BEST4: variants seen among roughly 807,000 people sequenced by gnomAD.
The protein encoded by BEST4 is bestrophin 4.
A neutral mutation model predicts 47.1 loss-of-function variants in BEST4; 36 were observed. That is an observed-to-expected ratio of 0.76 (90% CI 0.59 to 1.01). The LOEUF (loss-of-function observed/expected upper bound fraction) is 1.01, where lower values mean the gene tolerates loss of function less well. Among genes scored for constraint, BEST4 ranks in the 50% least tolerant of loss-of-function variants. The probability of loss-of-function intolerance (pLI) is 0.00; values close to 1 mark genes in which losing one functional copy is unlikely to be tolerated. For missense variants in BEST4, 550 were observed against 648.6 expected (o/e 0.85, Z 1.65); for synonymous variants, 250 against 277.8 (o/e 0.90, Z 1.00).
chr1:44,782,456 C>T (rs530349665), downstream of BEST4, among the ~76,000 whole-genome samples: 4 of 151,778 alleles, frequency 2.6e-5, no homozygotes, highest in South Asian at 2.1e-4. Flanking sequence ...GGTGACACCC[C>T]GGTCTCTACT....
At position 44,787,846 on chromosome 1, in the gene BEST4, C is replaced by T; in HGVS notation, c.-141G>A. The T allele has an allele frequency of 1.9e-6, 2 of 1,030,796 alleles. No individual in the cohort carries two copies. The highest frequency in any genetic ancestry group is 1.6e-5 in the South Asian group (1 of 63,456). 63.9% of individuals were successfully genotyped at this position (1,030,796 alleles called of 1,614,324 possible). A position where few individuals can be genotyped will look rare whatever the true frequency, so the allele number is the denominator to read the frequency against. On this transcript the variant is annotated 5_prime_UTR_variant, in exon 1 of 9. Transcript: ENST00000372207. ...CAGTGGACAAGGGGGTAGGAGCCTGCAGAGCAGAAAAGTACACCCCACCCC... is the reference window on the plus strand; with the variant it reads ...CAGTGGACAAGGGGGTAGGAGCCTGTAGAGCAGAAAAGTACACCCCACCCC...
chr1:44,782,545 G>A (rs1317831007), downstream of BEST4, among the ~76,000 whole-genome samples: 1 of 151,964 alleles, frequency 6.6e-6, no homozygotes, highest in African/African-American at 2.4e-5. Context: ...CAGGAGAATT[G>A]CTTGAACCCA....
At chr1:44,791,158 G>C (rs779598827), upstream of BEST4, among the ~76,000 whole-genome samples, 4 of 151,824 alleles carry the variant, frequency 2.6e-5, no homozygotes, top group Non-Finnish European at 5.9e-5. Context: ...CCTGACTGGC[G>C]TTACATTCTC....
Position 44,785,159 on chromosome 1 carries a change from G to A in BEST4, c.861C>T (p.Tyr287=), listed in dbSNP as rs149506075. 90 of 1,614,036 alleles carry A rather than the reference G, an allele frequency of 5.6e-5. No homozygotes were observed. In the South Asian group the frequency reaches 8.7e-4, roughly 16 times the overall value. The change falls in exon 6 of 9, where the codon TAC becomes TAT. Residue 287 remains tyrosine (Y), a synonymous_variant. Transcript: ENST00000372207. ...PAPALGDPDM[Y]VPLTTLLQFF... is the part of the protein sequence containing the mutation. ...ACTGCAGCAGAGTGGTGAGAGGCAC[G>A]TACATGTCCGGGTCTCCCAGGGCTG...
rs779163006 is a variant in BEST4 at position 44,784,682 on chromosome 1, G to A, written c.1095C>T (p.Ala365=). The change falls in exon 8 of 9, where the codon GCC becomes GCT. Residue 365 remains alanine, a synonymous_variant. Transcript: ENST00000372207. The surrounding 1 kb of genome is among the most constrained non-coding windows in gnomAD (Gnocchi z 6.2). The stretch of plus-strand genomic sequence containing the variant: ...AGGGCCGCAGAGACTCGGCCGCCGT[G>A]GCCACAGTGTAGGGTGGCTGCGGCT... The part of the protein sequence containing the change: ...EDQPQPPYTV[A]TAAESLRPSF... 3 of 1,613,254 alleles carry A rather than the reference G, an allele frequency of 1.9e-6. No individual in the cohort carries two copies. The East Asian group carries it at 6.7e-5, about 36-fold the overall frequency.
rs981012500 is a variant in BEST4, at chr1:44,787,828, C to G, written c.-123G>C. On this transcript the variant is annotated 5_prime_UTR_variant, in exon 1 of 9. Transcript: ENST00000372207. ...CCAGCCTTCACCCTGCGTCAGTGGA[C>G]AAGGGGGTAGGAGCCTGCAGAGCAG... 5.8e-6 allele frequency: 7 copies of G among 1,217,252 alleles called. No individual in the cohort carries two copies. Among genetic ancestry groups the G allele is most frequent in the Non-Finnish European group, 6.9e-6 (6 of 867,138 alleles). The allele number at this position is 1,217,252 out of a possible 1,614,324, so 75.4% of individuals were successfully genotyped here. A position where few individuals can be genotyped will look rare whatever the true frequency, so the allele number is the denominator to read the frequency against.
upstream of BEST4, among the ~76,000 whole-genome samples, chr1:44,790,473 C>T (rs1289313595): frequency 2.6e-5 from 4 of 152,130 alleles, no homozygotes; most frequent in Non-Finnish European, 5.9e-5. Context: ...TCTAGGAAGC[C>T]TTCCATGATC....
At position 44,784,514 on chromosome 1, in the gene BEST4, C is replaced by A; in HGVS notation, c.1149-31G>T. ...GGCGGGAGGGCGGGCTGAGCCGGGG[C>A]ACAGGGCGGGAGCGGGGACGCGGGA... On this transcript the variant is annotated intron_variant, in intron 8 of 8. Coordinates refer to ENST00000372207, the MANE Select transcript of BEST4 (RefSeq NM_153274.3). The surrounding 1 kb of genome is among the most constrained non-coding windows in gnomAD (Gnocchi z 6.2). 6.7e-7 allele frequency: 1 copy of A among 1,485,122 alleles called. No homozygotes were observed. The allele number at this position is 1,485,122 out of a possible 1,614,324, so 92.0% of individuals were successfully genotyped here. A position where few individuals can be genotyped will look rare whatever the true frequency, so the allele number is the denominator to read the frequency against.
chr1:44,789,337 T>C (rs1020835062), upstream of BEST4, among the ~76,000 whole-genome samples: 2 of 137,584 alleles, frequency 1.5e-5, no homozygotes, highest in Admixed American at 7.3e-5. Flanking sequence ...GAGGGAGAGG[T>C]TGCAGTGAGC....
upstream of BEST4, among the ~76,000 whole-genome samples, chr1:44,788,623 G>A (rs937728199): frequency 6.6e-6 from 1 of 152,208 alleles, no homozygotes; most frequent in African/African-American, 2.4e-5. Context: ...TGACTTGCCC[G>A]CCGTCGGCCA....
chr1:44,782,250 AC>A (rs1651062881), downstream of BEST4, among the ~76,000 whole-genome samples: 1 of 149,290 alleles, frequency 6.7e-6, no homozygotes, highest in East Asian at 2.0e-4. Context: ...AAAAAAAAAA[AC>A]CTCAAATACC....
At position 44,785,677 on chromosome 1, in the gene BEST4, C is replaced by T. The variant is rs144370787; in HGVS notation, c.637-1G>A. 1 of 1,552,930 alleles carries T rather than the reference C, an allele frequency of 6.4e-7. No individual in the cohort carries two copies. The highest frequency in any genetic ancestry group is 8.7e-7 in the Non-Finnish European group (1 of 1,147,758). ...ACTTGGCTCGGTACTTGTTCAGCTC[C>T]TGGGGGAACAGCAGGAACAGGAAGT... is the stretch of plus-strand genomic sequence containing the variant. On this transcript the variant is annotated splice_acceptor_variant, in intron 4 of 8. Coordinates refer to ENST00000372207, the MANE Select transcript of BEST4 (RefSeq NM_153274.3). LOFTEE classifies it high-confidence loss of function.
chr1:44,781,928 G>A (rs1287015917), downstream of BEST4, among the ~76,000 whole-genome samples: 8 of 152,192 alleles, frequency 5.3e-5, no homozygotes, highest in East Asian at 1.9e-4. Context: ...TTGGGAGGCC[G>A]AGGCAGGTGG....
Position 44,784,770 on chromosome 1 carries a change from G to C in BEST4, c.1007C>G (p.Ser336Cys). 6.3e-7 allele frequency: 1 copy of C among 1,593,796 alleles called. No individual in the cohort carries two copies. The highest frequency in any genetic ancestry group is 1.3e-5 in the African/African-American group (1 of 74,710). ...AAGGTTCTGGTACATTTCGTCCACG[G>C]ATAGCAGGGACACCTGGGCCACCAG... is the stretch of plus-strand genomic sequence containing the variant. ...IDRNLQVSLL[S>C]VDEMYQNLPP... The change falls in exon 8 of 9, where the codon TCC becomes TGC. Residue 336 changes from serine to cysteine, a missense_variant. By Grantham distance (112) the Ser-to-Cys change is moderately radical. Coordinates refer to ENST00000372207, the MANE Select transcript of BEST4 (RefSeq NM_153274.3). The surrounding 1 kb of genome is among the most constrained non-coding windows in gnomAD (Gnocchi z 6.2).
In BEST4 at chr1:44,784,719, C is replaced by T. The variant is rs1557612683; in HGVS notation, c.1058G>A (p.Trp353Ter). ...GGGTGGCTGCGGCTGGTCCTCATCC[C>T]AGTACTGGTCCTTCTCAGCGGGGGG... is the stretch of plus-strand genomic sequence containing the variant. Reference protein sequence around the residue: ...NLPPAEKDQYWDEDQPQPPYT... With the variant: ...NLPPAEKDQY The change falls in exon 8 of 9, where the codon TGG becomes TAG. Residue 353 changes from tryptophan (W) to a stop codon, truncating the protein, a stop_gained. Transcript: ENST00000372207. LOFTEE classifies it high-confidence loss of function. This position sits in a 1 kb window ranked among gnomAD's most constrained non-coding sequence, Gnocchi z 6.2. 3 of 1,607,788 alleles carry T rather than the reference C, an allele frequency of 1.9e-6. No individual in the cohort carries two copies. The highest frequency in any genetic ancestry group is 1.7e-6 in the Non-Finnish European group (2 of 1,176,920).
At chr1:44,783,309 A>C (rs760380975), downstream of BEST4, among the ~76,000 whole-genome samples, 2 of 152,096 alleles carry the variant, frequency 1.3e-5, no homozygotes, top group South Asian at 4.1e-4. Context: ...CAGGCCCACC[A>C]TGGAGATGGG....
chr1:44,786,209 C>T lies in BEST4; in HGVS notation c.501G>A (p.Glu167=), dbSNP rs145787289. 6 of 1,613,690 alleles carry T rather than the reference C, an allele frequency of 3.7e-6. No homozygotes were observed. The highest frequency in any genetic ancestry group is 1.7e-5 in the Admixed American group (1 of 59,930). The change falls in exon 4 of 9, where the codon GAG becomes GAA. Residue 167 remains glutamate (E), a synonymous_variant. Coordinates refer to ENST00000372207, the MANE Select transcript of BEST4 (RefSeq NM_153274.3). This position sits in a 1 kb window ranked among gnomAD's most constrained non-coding sequence, Gnocchi z 4.9. The part of the protein sequence containing the change: ...VVDAGFMSQE[E]RKKFESLKSD... The stretch of plus-strand genomic sequence containing the variant: ...ATTTCAGGCTCTCAAACTTTTTCCT[C>T]TCTTCCTGGGACATGAAACCTGAGG...
upstream of BEST4, among the ~76,000 whole-genome samples, chr1:44,790,680 G>A (rs1402190065): frequency 1.3e-5 from 2 of 152,184 alleles, no homozygotes; most frequent in Non-Finnish European, 2.9e-5. Flanking sequence ...GGAGGCTGAG[G>A]TGGGAGGATC....
In BEST4 at chr1:44,784,057, T is replaced by C; in HGVS notation, c.*153A>G. 1.3e-6 allele frequency: 1 copy of C among 773,392 alleles called. No homozygotes were observed. Among genetic ancestry groups the C allele is most frequent in the Non-Finnish European group, 1.8e-6 (1 of 546,804 alleles). The allele number at this position is 773,392 out of a possible 1,614,324, so 47.9% of individuals were successfully genotyped here. On this transcript the variant is annotated 3_prime_UTR_variant, in exon 9 of 9. Coordinates refer to ENST00000372207, the MANE Select transcript of BEST4 (RefSeq NM_153274.3). The surrounding 1 kb of genome is among the most constrained non-coding windows in gnomAD (Gnocchi z 6.2). ...CATTCCCAGCCCTGGCTCAGGCCCT[T>C]TTCGCCATCTTCTCTTTCAAGTTCT...
Sources: allele counts gnomAD v4.1 joint callset (sites outside exome capture counted in the v4.1 genomes callset), GRCh38; gene constraint gnomAD v4.1.1; non-coding constraint Gnocchi (gnomAD v3.1); transcripts MANE v1.5; gene names NCBI Gene and HGNC (gene_info 2026-07-23, HGNC 2026-07-21).